The following SLCO5A1 variants were observed in gnomAD, a reference collection of about 807,000 sequenced individuals.
The protein encoded by SLCO5A1 is solute carrier organic anion transporter family member 5A1, also known as organic anion transporter polypeptide-related protein 4.
SLCO5A1 carries 39 observed loss-of-function variants against 65.1 expected under a neutral mutation model. The observed-to-expected ratio is 0.60, with a 90% CI of 0.46 to 0.78. SLCO5A1 has a LOEUF of 0.78. Ranked by LOEUF, SLCO5A1 falls within the 30% of genes least tolerant of loss-of-function variation. SLCO5A1 has a pLI of 0.00. For missense variants in SLCO5A1, 1,029 were observed against 1,069.4 expected (o/e 0.96, Z 0.53); for synonymous variants, 438 against 415.7 (o/e 1.05, Z -0.65).
chr8:69,722,441 C>G (rs1815869180), intron 5 of SLCO5A1, among the ~76,000 whole-genome samples: 1 of 152,100 alleles, frequency 6.6e-6, no homozygotes, highest in Admixed American at 6.6e-5. Context: ...TGGAGTACTT[C>G]AAGTCTTGAA....
intron 5 of SLCO5A1, among the ~76,000 whole-genome samples, chr8:69,736,294 G>A (rs796200934): frequency 2.6e-5 from 4 of 152,282 alleles, no homozygotes; most frequent in African/African-American, 9.6e-5. Context: ...TTCTGTAGCC[G>A]ACACCCCAGC....
chr8:69,763,341 G>A (rs1339223127), intron 2 of SLCO5A1, among the ~76,000 whole-genome samples: 3 of 150,078 alleles, frequency 2.0e-5, no homozygotes, highest in Admixed American at 6.6e-5. Flanking sequence ...CAGGCCAGGC[G>A]CAGTGGCTCA....
chr8:69,713,538 T>C (rs145067606), intron 5 of SLCO5A1: 1 of 152,336 alleles, frequency 6.6e-6, no homozygotes, highest in Non-Finnish European at 1.5e-5. Context: ...CAGATGTTGA[T>C]TACATGCCAG....
intron 4 of SLCO5A1, among the ~76,000 whole-genome samples, chr8:69,743,756 A>C (rs569605358): frequency 6.6e-6 from 1 of 152,188 alleles, no homozygotes; most frequent in Non-Finnish European, 1.5e-5. Context: ...AGACCAGGGA[A>C]GGAGGCGGGA....
At chr8:69,824,653 A>G (rs1468817227) in intron 2 of SLCO5A1, among the ~76,000 whole-genome samples, 3 of 152,228 alleles carry the variant, frequency 2.0e-5, no homozygotes, top group South Asian at 2.1e-4. Context: ...CCAACCAAAA[A>G]GAGTCCAGGA....
chr8:69,828,557 G>A (rs540109221), intron 2 of SLCO5A1, among the ~76,000 whole-genome samples: 92 of 151,334 alleles, frequency 6.1e-4, no homozygotes, highest in African/African-American at 2.2e-3. Context: ...AGCCGAGACC[G>A]CTCCACTGCA....
chr8:69,698,026 G>T (rs1337031938), intron 6 of SLCO5A1, among the ~76,000 whole-genome samples: 1 of 152,100 alleles, frequency 6.6e-6, no homozygotes, highest in Non-Finnish European at 1.5e-5. Context: ...CCACCCTCCA[G>T]TGTTGACCCC....
intron 2 of SLCO5A1, among the ~76,000 whole-genome samples, chr8:69,804,884 C>T (rs745676015): frequency 3.3e-5 from 5 of 152,184 alleles, no homozygotes; most frequent in East Asian, 1.9e-4. Flanking sequence ...ACCTGCAGGC[C>T]GGGCTCCTGC....
intron 5 of SLCO5A1, among the ~76,000 whole-genome samples, chr8:69,723,203 ATGT>A (rs1815908285): frequency 6.6e-6 from 1 of 152,272 alleles, no homozygotes; most frequent in African/African-American, 2.4e-5. Context: ...AATAATTTTA[ATGT>A]TGTGCATGAT....
chr8:69,769,742 T>A (rs1818233621), intron 2 of SLCO5A1, among the ~76,000 whole-genome samples: 1 of 152,184 alleles, frequency 6.6e-6, no homozygotes, highest in Non-Finnish European at 1.5e-5. Context: ...AGATGGGAGT[T>A]GGGAAAGAGA....
chr8:69,774,837 G>A (rs947316170), intron 2 of SLCO5A1, among the ~76,000 whole-genome samples: 9 of 152,094 alleles, frequency 5.9e-5, no homozygotes, highest in South Asian at 2.1e-4. Context: ...AACAATCCAC[G>A]TCGCCATGAT....
rs950160071 is a variant in SLCO5A1 at position 69,742,801 on chromosome 8, T to C, written c.1259-4597A>G. Among the ~76,000 whole-genome samples the C allele has an allele frequency of 2.3e-4, 30 of 131,420 alleles. No homozygotes were observed. The East Asian group carries it at 5.7e-3, about 25-fold the overall frequency. 86.2% of individuals were successfully genotyped at this position (131,420 alleles called of 152,430 possible). A position where few individuals can be genotyped will look rare whatever the true frequency, so the allele number is the denominator to read the frequency against. On this transcript the variant is annotated intron_variant, in intron 4 of 9. Transcript: ENST00000260126. ...AGGTGGTGTGAGTGGATTCTTTTTT[T>C]TTTTTTTTTTTTTTTTTGAGACTGA... is the stretch of plus-strand genomic sequence containing the variant.
intron 6 of SLCO5A1, among the ~76,000 whole-genome samples, chr8:69,694,541 G>T (rs1814415639): frequency 6.6e-6 from 1 of 152,212 alleles, no homozygotes. Context: ...CTGTTGAGCA[G>T]GTTGTACACT....
At chr8:69,771,754 G>C (rs1818331579) in intron 2 of SLCO5A1, among the ~76,000 whole-genome samples, 1 of 152,200 alleles carries the variant, frequency 6.6e-6, no homozygotes, top group Non-Finnish European at 1.5e-5. Context: ...GGTAGCCTAA[G>C]AGGCTTAGAG....
chr8:69,718,242 T>C (rs1815648925), intron 5 of SLCO5A1, among the ~76,000 whole-genome samples: 2 of 152,246 alleles, frequency 1.3e-5, no homozygotes, highest in South Asian at 4.1e-4. Context: ...TCTTGTAAGA[T>C]CTTGCAACCT....
In SLCO5A1 at chr8:69,779,621, C is replaced by T. The variant is rs190060111; in HGVS notation, c.908-17746G>A. 1.9e-3 allele frequency among the ~76,000 whole-genome samples: 291 copies of T among 152,208 alleles called. 1 individual carries two copies. Among genetic ancestry groups the T allele is most frequent in the African/African-American group, 6.6e-3 (274 of 41,552 alleles). Reference sequence around the variant, plus strand: ...ACACTAACAACCTTATGGAAAAAAGCATACTGTCATTTTCAATTTACAGAT... The same window carrying T: ...ACACTAACAACCTTATGGAAAAAAGTATACTGTCATTTTCAATTTACAGAT... On this transcript the variant is annotated intron_variant, in intron 2 of 9. Transcript: ENST00000260126.
intron 2 of SLCO5A1, among the ~76,000 whole-genome samples, chr8:69,773,473 T>C (rs990712461): frequency 6.6e-6 from 1 of 152,186 alleles, no homozygotes; most frequent in Admixed American, 6.5e-5. Context: ...CACCAGTCAT[T>C]GGGATTCAGT....
chr8:69,763,614 CAAAAAAAAAAAAAAAAAAAAA>C (rs770191440), intron 2 of SLCO5A1, among the ~76,000 whole-genome samples: 2 of 13,168 alleles, frequency 1.5e-4, no homozygotes, highest in Admixed American at 1.7e-3. Flanking sequence ...AGCAAGACTC[CAAAAAAAAAAAAAAAAAAAAA>C]AAAAAAAAAA....
At chr8:69,695,289 G>A (rs1274938516) in intron 6 of SLCO5A1, among the ~76,000 whole-genome samples, 2 of 152,156 alleles carry the variant, frequency 1.3e-5, no homozygotes, top group African/African-American at 2.4e-5. Flanking sequence ...AAGGTCAGGA[G>A]TTCAAGACCA....
Sources: gnomAD v4.1 joint callset for allele counts (sites outside exome capture counted in the v4.1 genomes callset) on GRCh38, gnomAD v4.1.1 for gene constraint, MANE v1.5 for transcripts, NCBI Gene and HGNC (gene_info 2026-07-23, HGNC 2026-07-21) for gene names.